CCT8: variants seen among roughly 807,000 people sequenced by gnomAD.
CCT8 encodes T-complex protein 1 subunit theta.
A neutral mutation model predicts 65.7 loss-of-function variants in CCT8; 10 were observed. The ratio of observed to expected loss-of-function variants is 0.15; its 90% CI spans 0.09 to 0.26. CCT8 has a LOEUF of 0.26. Among genes scored for constraint, CCT8 ranks in the 10% least tolerant of loss-of-function variants. CCT8 has a pLI of 1.00. For missense variants in CCT8, 568 were observed against 669.1 expected, an observed-to-expected ratio of 0.85 and a Z score of 1.67; for synonymous variants, 199 against 221.8, an observed-to-expected ratio of 0.90 and a Z score of 0.92.
Position 29,061,587 on chromosome 21 carries a change from C to CA in CCT8, c.1213-21dup, listed in dbSNP as rs567041193. The CA allele has an allele frequency of 9.9e-3, 12,453 of 1,253,584 alleles. 1 individual carries two copies. The highest frequency in any genetic ancestry group is 0.011 in the Non-Finnish European group (10,256 of 929,410). 77.7% of individuals were successfully genotyped at this position (1,253,584 alleles called of 1,614,324 possible). A position where few individuals can be genotyped will look rare whatever the true frequency, so the allele number is the denominator to read the frequency against. Reference sequence around the variant, plus strand: ...TTTATCCTGTATGTAGCGCCCCCACCAAAAAAAAAATGAACACAAAACAAA... The same window carrying CA: ...TTTATCCTGTATGTAGCGCCCCCACCAAAAAAAAAAATGAACACAAAACAAA... On this transcript the variant is annotated intron_variant, in intron 11 of 14. Transcript: ENST00000286788.
At chr21:29,062,938 GATTT>G (rs2085580530) in intron 8 of CCT8, 3 of 318,180 alleles carry the variant, frequency 9.4e-6, no homozygotes, top group Non-Finnish European at 1.2e-5. Flanking sequence ...GAACAAGAGT[GATTT>G]ATTTTGCACA....
chr21:29,069,294 G>A (rs2085657021), intron 3 of CCT8, 129 bp downstream of exon 3: 4 of 515,388 alleles, frequency 7.8e-6, no homozygotes, highest in Middle Eastern at 4.9e-4. Context: ...AGAACAATCT[G>A]TACAATAAAT....
chr21:29,071,441 G>A (rs1346445509), intron 1 of CCT8, among the ~76,000 whole-genome samples: 1 of 151,576 alleles, frequency 6.6e-6, no homozygotes, highest in Non-Finnish European at 1.5e-5. Context: ...GGAGTGCAGT[G>A]AGCTGAGATC....
chr21:29,068,281 TAA>T (rs1181309170), intron 3 of CCT8, among the ~76,000 whole-genome samples: 1 of 152,046 alleles, frequency 6.6e-6, no homozygotes, highest in Non-Finnish European at 1.5e-5. Flanking sequence ...AAGAAAACTA[TAA>T]AAAGTCAGCC....
intron 3 of CCT8, among the ~76,000 whole-genome samples, chr21:29,069,156 A>G (rs1316638680): frequency 6.6e-6 from 1 of 152,210 alleles, no homozygotes; most frequent in East Asian, 1.9e-4. Context: ...GAATGAAGAC[A>G]ATGGTAATCA....
At chr21:29,062,100 AACT>A in intron 11 of CCT8, 25 bp downstream of exon 11, 2 of 1,455,924 alleles carry the variant, frequency 1.4e-6, no homozygotes, top group Middle Eastern at 2.4e-4. Context: ...AGACCTTACA[AACT>A]ACTAAGAATA....
At chr21:29,062,740 G>T (rs2085578131) in intron 8 of CCT8, 184 bp from the exon 9 acceptor site, 3 of 608,080 alleles carry the variant, frequency 4.9e-6, no homozygotes, top group Non-Finnish European at 8.7e-6. Context: ...CTGACTCTCT[G>T]AGTGAGTCCA....
At position 29,061,891 on chromosome 21, in the gene CCT8, A is replaced by T. The variant is rs546982279; in HGVS notation, c.1212+237T>A. Among the ~76,000 whole-genome samples, 133 of 152,232 alleles carry T rather than the reference A, an allele frequency of 8.7e-4. No homozygotes were observed. In the South Asian group the frequency reaches 9.5e-3, roughly 11 times the overall value. ...TTACAATGGAAAACAACGATAAACA[A>T]TTTTTTTTAAAGCTCTGTTTTGCTG... On this transcript the variant is annotated intron_variant, in intron 11 of 14. Transcript: ENST00000286788.
Position 29,061,389 on chromosome 21 carries a change from A to G in CCT8, c.1313T>C (p.Ile438Thr). The G allele has an allele frequency of 6.2e-7, 1 of 1,614,062 alleles. No homozygotes were observed. The highest frequency in any genetic ancestry group is 1.1e-5 in the South Asian group (1 of 91,078). ...TTCAAATGCCTCAGCAAACTTCTTA[A>G]TAGCATACTGTTCAAGTCCAGGACA... Reference protein sequence around the residue: ...ETCPGLEQYAIKKFAEAFEAI... With the variant: ...ETCPGLEQYATKKFAEAFEAI... The change falls in exon 13 of 15, where the codon ATT becomes ACT. Residue 438 changes from isoleucine (I) to threonine (T), a missense_variant. By Grantham distance (89) the Ile-to-Thr change is moderately conservative. Coordinates refer to ENST00000286788, the MANE Select transcript of CCT8 (RefSeq NM_006585.4).
At position 29,067,553 on chromosome 21, in the gene CCT8, T is replaced by G; in HGVS notation, c.381+3A>C. On this transcript the variant is annotated splice_donor_region_variant and intron_variant, in intron 4 of 14. Transcript: ENST00000286788. ...TAGGAGTAAATTATAAATGAACACT[T>G]GCCTCTGAAACTGACAGGCCAATCC... 1 of 1,444,796 alleles carries G rather than the reference T, an allele frequency of 6.9e-7. No homozygotes were observed. 89.5% of individuals were successfully genotyped at this position (1,444,796 alleles called of 1,614,324 possible).
intron 1 of CCT8, among the ~76,000 whole-genome samples, chr21:29,070,804 A>C (rs576763925): frequency 2.3e-4 from 35 of 152,356 alleles, no homozygotes; most frequent in African/African-American, 8.2e-4. Context: ...AGGTACTTCA[A>C]GTAGAATACC....
chr21:29,066,169 A>T (rs1015510452), intron 6 of CCT8, among the ~76,000 whole-genome samples: 1 of 152,148 alleles, frequency 6.6e-6, no homozygotes, highest in Non-Finnish European at 1.5e-5. Flanking sequence ...TTATAAGGAG[A>T]TAATATGTCA....
chr21:29,066,846 A>C, intron 5 of CCT8, 45 bp downstream of exon 5: 1 of 1,578,116 alleles, frequency 6.3e-7, no homozygotes, highest in Non-Finnish European at 8.7e-7. Flanking sequence ...GTCATGTTAA[A>C]GGTATTTTTA....
intron 1 of CCT8, chr21:29,073,186 T>C (rs1029533328): frequency 1.0e-5 from 9 of 889,160 alleles, no homozygotes; most frequent in East Asian, 6.7e-5. Flanking sequence ...ATCTACGTTA[T>C]TCAATTTCAC....
chr21:29,061,891 AT>A (rs1369349640), intron 11 of CCT8, among the ~76,000 whole-genome samples: 1 of 152,232 alleles, frequency 6.6e-6, no homozygotes, highest in African/African-American at 2.4e-5. Context: ...ACGATAAACA[AT>A]TTTTTTTAAA....
At chr21:29,066,847 G>T in intron 5 of CCT8, 44 bp downstream of exon 5, 2 of 1,578,522 alleles carry the variant, frequency 1.3e-6, no homozygotes, top group Non-Finnish European at 1.7e-6. Context: ...TCATGTTAAA[G>T]GTATTTTTAT....
chr21:29,064,106 G>GT (rs1370097109), intron 7 of CCT8, among the ~76,000 whole-genome samples: 1 of 152,114 alleles, frequency 6.6e-6, no homozygotes, highest in African/African-American at 2.4e-5. Context: ...GTGTCCTGGT[G>GT]TTTGTCTTTT....
Position 29,065,200 on chromosome 21 carries a change from A to G in CCT8, c.625-95T>C, listed in dbSNP as rs148204307. On this transcript the variant is annotated intron_variant, in intron 6 of 14. Transcript: ENST00000286788. ...CCATATACCAAAAATATCCCTTTCT[A>G]AAATAAAGTCATAAACCAAGGCAGT... 141 of 1,337,012 alleles carry G rather than the reference A, an allele frequency of 1.1e-4. No homozygotes were observed. The African/African-American group carries it at 1.9e-3, about 18-fold the overall frequency. The allele number at this position is 1,337,012 out of a possible 1,614,324, so 82.8% of individuals were successfully genotyped here.
intron 5 of CCT8, 30 bp from the exon 6 acceptor site, chr21:29,066,807 T>C (rs754281981): frequency 1.3e-6 from 2 of 1,586,716 alleles, no homozygotes; most frequent in Non-Finnish European, 1.7e-6. Context: ...TATCAAAAGA[T>C]TATTTTGGGA....
Sources: allele counts gnomAD v4.1 joint callset (sites outside exome capture counted in the v4.1 genomes callset), GRCh38; gene constraint gnomAD v4.1.1; transcripts MANE v1.5; gene names NCBI Gene and HGNC (gene_info 2026-07-23, HGNC 2026-07-21).